The following DEFB134 variants were observed in gnomAD, a reference collection of about 807,000 sequenced individuals.
DEFB134 encodes beta-defensin 134.
Under a neutral mutation model 7.4 loss-of-function variants are expected in DEFB134, and 7 were observed. That is an observed-to-expected ratio of 0.95 (90% confidence interval 0.54 to 1.79). DEFB134 has a LOEUF of 1.79. Among genes scored for constraint, DEFB134 ranks in the 40% most tolerant of loss-of-function variants. The pLI is 0.00. For missense variants in DEFB134, 105 were observed against 74.8 expected (o/e 1.40, Z -1.49); for synonymous variants, 33 against 25.0 (o/e 1.32, Z -0.96).
chr8:11,999,703 C>T (rs1162704933), upstream of DEFB134, among the ~76,000 whole-genome samples: 1 of 152,210 alleles, frequency 6.6e-6, no homozygotes. Flanking sequence ...GAGATCGTCT[C>T]TTGTTATCTA....
At chr8:11,998,582 C>T (rs915028616), upstream of DEFB134, among the ~76,000 whole-genome samples, 1 of 151,982 alleles carries the variant, frequency 6.6e-6, no homozygotes, top group African/African-American at 2.4e-5. Context: ...AATGCCTACA[C>T]CAAAAAGTTA....
At chr8:11,995,340 G>C (rs1006130849) in intron 1 of DEFB134, among the ~76,000 whole-genome samples, 1 of 152,208 alleles carries the variant, frequency 6.6e-6, no homozygotes, top group East Asian at 1.9e-4. Context: ...AGCCTGGTGA[G>C]TCACATAATC....
At chr8:11,994,176 A>C (rs550370989) in intron 1 of DEFB134, 54 bp from the exon 3 acceptor site, 2 of 1,549,446 alleles carry the variant, frequency 1.3e-6, no homozygotes, top group East Asian at 2.3e-5. Flanking sequence ...TTGGACCATA[A>C]AATTGCTAGT....
chr8:11,999,688 T>A (rs764532053), upstream of DEFB134, among the ~76,000 whole-genome samples: 1 of 152,236 alleles, frequency 6.6e-6, no homozygotes, highest in Admixed American at 6.5e-5. Context: ...TTTCAGCAAC[T>A]GTCAGAGATC....
At chr8:11,999,754 C>T (rs1035839953), upstream of DEFB134, among the ~76,000 whole-genome samples, 1 of 152,146 alleles carries the variant, frequency 6.6e-6, no homozygotes, top group African/African-American at 2.4e-5. Flanking sequence ...GTAGGTGCCA[C>T]GAGTTGGGAG....
upstream of DEFB134, among the ~76,000 whole-genome samples, chr8:12,000,747 G>GAT (rs200244231): frequency 4.5e-3 from 684 of 152,288 alleles, 8 homozygotes; most frequent in African/African-American, 0.015. Flanking sequence ...GATGTAAGAT[G>GAT]ATATAATGCC....
At position 11,996,301 on chromosome 8, in the gene DEFB134, G is replaced by C. The variant is rs970024113; in HGVS notation, c.-50C>G. The C allele has an allele frequency of 6.2e-7, 1 of 1,601,806 alleles. No individual in the cohort carries two copies. The highest frequency in any genetic ancestry group is 1.3e-5 in the African/African-American group (1 of 74,756). ...CTAGTGGCAGGGTCTGACATCGGCT[G>C]TCAGGGAACAGAGAGAAGAGGTTGA... On this transcript the variant is annotated 5_prime_UTR_variant, in exon 1 of 2. Coordinates refer to ENST00000526438, the Ensembl canonical transcript of DEFB134.
chr8:11,996,121 GT>G (rs754470949), intron 1 of DEFB134, 72 bp downstream of exon 2: 73 of 1,566,884 alleles, frequency 4.7e-5, no homozygotes, highest in African/African-American at 6.8e-5. Context: ...GGTGGTGTAT[GT>G]TTATTGGGTT....
exon 2 of DEFB134, chr8:11,994,027 A>C: frequency 6.2e-7 from 1 of 1,613,984 alleles, no homozygotes; most frequent in Non-Finnish European, 8.5e-7. Flanking sequence ...TGAAACATAC[A>C]GTAGGCAACT....
chr8:11,993,817 C>G, exon 2 of DEFB134: 2 of 928,626 alleles, frequency 2.2e-6, no homozygotes, highest in Non-Finnish European at 3.0e-6. Context: ...CAGCTCAGCT[C>G]TTTAAATTTA....
At position 11,993,952 on chromosome 8, in the gene DEFB134, G is replaced by A. The variant is rs199834051; in HGVS notation, c.*28C>T. The stretch of plus-strand genomic sequence containing the variant: ...AGATGGCAGAATCAAGGGCCTACAG[G>A]ATAGTGGCCATTCATTGGTTTCTTA... On this transcript the variant is annotated 3_prime_UTR_variant, in exon 2 of 2. Transcript: ENST00000526438. 2.5e-6 allele frequency: 4 copies of A among 1,608,546 alleles called. No individual in the cohort carries two copies. The African/African-American group carries it at 5.4e-5, about 22-fold the overall frequency.
exon 2 of DEFB134, chr8:11,993,894 C>T: frequency 6.5e-7 from 1 of 1,537,120 alleles, no homozygotes; most frequent in Non-Finnish European, 8.8e-7. Flanking sequence ...ATCATGGTGT[C>T]ACAGTTTGAT....
exon 2 of DEFB134, chr8:11,993,963 T>C: frequency 6.2e-7 from 1 of 1,609,662 alleles, no homozygotes; most frequent in Non-Finnish European, 8.5e-7. Flanking sequence ...ATAGTGGCCA[T>C]TCATTGGTTT....
At chr8:11,996,364 T>G (rs1800124017), upstream of DEFB134, 2 of 1,198,982 alleles carry the variant, frequency 1.7e-6, no homozygotes, top group Admixed American at 1.9e-5. Flanking sequence ...GGCTGGGGTA[T>G]GCCTCGCTTC....
At chr8:11,998,188 C>T (rs1394464223), upstream of DEFB134, among the ~76,000 whole-genome samples, 1 of 152,082 alleles carries the variant, frequency 6.6e-6, no homozygotes, top group Non-Finnish European at 1.5e-5. Context: ...GTGGCTCACA[C>T]CTGTAACGCT....
upstream of DEFB134, among the ~76,000 whole-genome samples, chr8:11,998,798 G>C (rs1005704716): frequency 6.6e-6 from 1 of 152,050 alleles, no homozygotes; most frequent in Admixed American, 6.6e-5. Flanking sequence ...TAGACTGCTA[G>C]CTAGACTAAA....
At chr8:11,998,018 C>G (rs1048824867), upstream of DEFB134, among the ~76,000 whole-genome samples, 1 of 152,198 alleles carries the variant, frequency 6.6e-6, no homozygotes, top group Non-Finnish European at 1.5e-5. Flanking sequence ...CAGTAACATT[C>G]TCAGACCGCA....
intron 1 of DEFB134, among the ~76,000 whole-genome samples, chr8:11,994,915 T>C (rs1008115967): frequency 6.6e-6 from 1 of 152,100 alleles, no homozygotes; most frequent in African/African-American, 2.4e-5. Flanking sequence ...TGTGGAACGG[T>C]CTTGTGAGTT....
At chr8:11,999,129 G>A (rs1800203252), upstream of DEFB134, 1 of 160,362 alleles carries the variant, frequency 6.2e-6, no homozygotes, top group South Asian at 1.8e-4. Context: ...AGCCCCAGCT[G>A]GAAGTTCATA....
Sources: gnomAD v4.1 joint callset for allele counts (sites outside exome capture counted in the v4.1 genomes callset) on GRCh38, gnomAD v4.1.1 for gene constraint, MANE v1.5 for transcripts, NCBI Gene and HGNC (gene_info 2026-07-23, HGNC 2026-07-21) for gene names.